PTPRD: variants seen among roughly 807,000 people sequenced by gnomAD.
PTPRD encodes protein tyrosine phosphatase receptor type D.
In PTPRD, 34 loss-of-function variants were observed where a neutral mutation model predicts 214.5. The observed-to-expected ratio is 0.16, with a 90% CI of 0.12 to 0.21. The LOEUF (loss-of-function observed/expected upper bound fraction) is 0.21. Among genes scored for constraint, PTPRD ranks in the 10% least tolerant of loss-of-function variants. The pLI is 1.00. For missense variants in PTPRD, 2,545 were observed against 2,398.7 expected, an observed-to-expected ratio of 1.06 and a Z score of -1.27; for synonymous variants, 1,128 against 845.7, an observed-to-expected ratio of 1.33 and a Z score of -5.79.
At chr9:9,736,573 C>A (rs998129600) in intron 6 of PTPRD, among the ~76,000 whole-genome samples, 1 of 151,902 alleles carries the variant, frequency 6.6e-6, no homozygotes, top group East Asian at 1.9e-4. Flanking sequence ...AATAGTGTTA[C>A]GAGAATTGCC....
intron 6 of PTPRD, among the ~76,000 whole-genome samples, chr9:9,751,514 C>G (rs943652879): frequency 5.3e-5 from 8 of 152,090 alleles, no homozygotes; most frequent in African/African-American, 1.9e-4. Flanking sequence ...ACCAGTACCT[C>G]AGAATGTGAC....
At chr9:8,624,424 C>T (rs975952426) in intron 14 of PTPRD, among the ~76,000 whole-genome samples, 1 of 151,820 alleles carries the variant, frequency 6.6e-6, no homozygotes, top group Non-Finnish European at 1.5e-5. Context: ...CTTCACCCTC[C>T]CTTCCCTTCA....
chr9:9,798,777 G>A (rs2099020253), intron 5 of PTPRD, among the ~76,000 whole-genome samples: 1 of 152,154 alleles, frequency 6.6e-6, no homozygotes. Context: ...GATTTATGAA[G>A]CAGACACAGC....
At chr9:9,993,341 T>G (rs2096013455) in intron 4 of PTPRD, among the ~76,000 whole-genome samples, 1 of 152,206 alleles carries the variant, frequency 6.6e-6, no homozygotes, top group African/African-American at 2.4e-5. Context: ...TACATCAAAG[T>G]GCGTACAAGA....
chr9:9,192,538 C>G (rs1272083643), intron 9 of PTPRD, among the ~76,000 whole-genome samples: 1 of 152,070 alleles, frequency 6.6e-6, no homozygotes, highest in Non-Finnish European at 1.5e-5. Flanking sequence ...AGCAACAATT[C>G]ATAATTTCCC....
At chr9:10,468,224 C>G (rs1481500428) in intron 2 of PTPRD, among the ~76,000 whole-genome samples, 1 of 152,132 alleles carries the variant, frequency 6.6e-6, no homozygotes, top group African/African-American at 2.4e-5. Flanking sequence ...CAGTACAATT[C>G]ACAATAGCAA....
chr9:9,911,280 C>G (rs762607793), intron 5 of PTPRD, among the ~76,000 whole-genome samples: 26 of 152,154 alleles, frequency 1.7e-4, no homozygotes, highest in African/African-American at 5.8e-4. Context: ...TGCATTGTGA[C>G]ACTTCTTATA....
chr9:8,322,513 G>C (rs1026213721), intron 44 of PTPRD, among the ~76,000 whole-genome samples: 1 of 152,144 alleles, frequency 6.6e-6, no homozygotes, highest in Non-Finnish European at 1.5e-5. Flanking sequence ...TCAAAGCCTA[G>C]GCCAGAGCAA....
At chr9:9,522,100 T>C (rs1590629905) in intron 8 of PTPRD, among the ~76,000 whole-genome samples, 1 of 139,190 alleles carries the variant, frequency 7.2e-6, no homozygotes, top group Non-Finnish European at 1.5e-5. Context: ...GAGGTTGTGG[T>C]GAGCTGAGAT....
chr9:9,915,566 A>G (rs2080493547), intron 5 of PTPRD, among the ~76,000 whole-genome samples: 1 of 151,822 alleles, frequency 6.6e-6, no homozygotes, highest in Non-Finnish European at 1.5e-5. Context: ...AGAAGTACTA[A>G]AGCTGAATAA....
rs1005909212 is a variant in PTPRD at position 8,961,598 on chromosome 9, G to T, written c.-104+57099C>A. The stretch of plus-strand genomic sequence containing the variant: ...GCAGTTCTTCTGCATCAAGGTTGAG[G>T]ACATTAACTGAGCAACCACTGTGGC... On this transcript the variant is annotated intron_variant, in intron 11 of 45. Transcript: ENST00000381196. Among the ~76,000 whole-genome samples the T allele has an allele frequency of 8.5e-5, 13 of 152,182 alleles. No homozygotes were observed. The East Asian group carries it at 1.6e-3, about 18-fold the overall frequency.
intron 4 of PTPRD, among the ~76,000 whole-genome samples, chr9:9,967,667 C>T (rs2094801357): frequency 6.6e-6 from 1 of 152,086 alleles, no homozygotes; most frequent in Admixed American, 6.6e-5. Flanking sequence ...AGGATTAAAA[C>T]AGAAAATGAG....
At chr9:8,555,999 T>C (rs533838217) in intron 14 of PTPRD, among the ~76,000 whole-genome samples, 3 of 152,268 alleles carry the variant, frequency 2.0e-5, no homozygotes, top group Admixed American at 2.0e-4. Flanking sequence ...CAGATGGATG[T>C]AAAAAATGTG....
At chr9:8,789,039 A>AT (rs1287544228) in intron 11 of PTPRD, among the ~76,000 whole-genome samples, 2 of 152,294 alleles carry the variant, frequency 1.3e-5, no homozygotes, top group African/African-American at 2.4e-5. Flanking sequence ...TCCAATTATT[A>AT]TAAGAAGCAG....
rs79940013 is a variant in PTPRD, at chr9:9,715,278, T to C, written c.-287+19255A>G. On this transcript the variant is annotated intron_variant, in intron 7 of 45. Transcript: ENST00000381196. Reference sequence around the variant, plus strand: ...CAATTTGAAGGAAGACAATACATTTTTCAACTCTAAATTCTCAAGGCTTGA... The same window carrying C: ...CAATTTGAAGGAAGACAATACATTTCTCAACTCTAAATTCTCAAGGCTTGA... 6.4e-3 allele frequency among the ~76,000 whole-genome samples: 977 copies of C among 152,278 alleles called. 8 individuals carry two copies. Among genetic ancestry groups the C allele is most frequent in the African/African-American group, 0.022 (921 of 41,540 alleles).
intron 9 of PTPRD, among the ~76,000 whole-genome samples, chr9:9,379,212 A>T (rs2061535988): frequency 6.9e-6 from 1 of 145,716 alleles, no homozygotes. Context: ...TATATATATG[A>T]TATATATTTG....
chr9:9,489,737 C>A (rs544000046), intron 8 of PTPRD, among the ~76,000 whole-genome samples: 2 of 152,056 alleles, frequency 1.3e-5, no homozygotes, highest in African/African-American at 4.8e-5. Context: ...AGGGAAAAGA[C>A]TGAAGTGAAC....
chr9:8,497,240 ACATGTT>A lies in PTPRD; in HGVS notation c.2345_2349+1del, dbSNP rs1462117295. 4 of 1,592,908 alleles carry A rather than the reference ACATGTT, an allele frequency of 2.5e-6. No homozygotes were observed. The highest frequency in any genetic ancestry group is 3.4e-6 in the Non-Finnish European group (4 of 1,172,248). On this transcript the variant is annotated splice_donor_variant and coding_sequence_variant, in exon 26 of 46. Transcript: ENST00000381196. LOFTEE classifies it high-confidence loss of function. ...TTGACAAAACAGTCAAAAATTACTC[ACATGTT>A]CAGTAGTATCATCAAATTCCCACTG...
At chr9:10,422,979 C>G (rs2098558992) in intron 2 of PTPRD, among the ~76,000 whole-genome samples, 1 of 152,196 alleles carries the variant, frequency 6.6e-6, no homozygotes, top group East Asian at 1.9e-4. Flanking sequence ...GATTATAAAT[C>G]ATGCCACTAT....
Sources: gnomAD v4.1 joint callset for allele counts (sites outside exome capture counted in the v4.1 genomes callset) on GRCh38, gnomAD v4.1.1 for gene constraint, MANE v1.5 for transcripts, NCBI Gene and HGNC (gene_info 2026-07-23, HGNC 2026-07-21) for gene names.